ITGA1: variants seen among roughly 807,000 people sequenced by gnomAD.
ITGA1 encodes integrin subunit alpha 1.
ITGA1 carries 85 observed loss-of-function variants against 145.9 expected under a neutral mutation model. The ratio of observed to expected loss-of-function variants is 0.58; its 90% CI spans 0.49 to 0.70. The LOEUF (loss-of-function observed/expected upper bound fraction) is 0.70. ITGA1 is among the 30% of genes least tolerant of loss of function. The probability of loss-of-function intolerance (pLI) is 0.00; values close to 1 mark genes in which losing one functional copy is unlikely to be tolerated. For missense variants in ITGA1, 1,351 were observed against 1,418.7 expected, an observed-to-expected ratio of 0.95 and a Z score of 0.77; for synonymous variants, 520 against 495.3, an observed-to-expected ratio of 1.05 and a Z score of -0.66.
In ITGA1 at chr5:52,794,685, C is replaced by A. The variant is rs376323554; in HGVS notation, c.61+6271C>A. On this transcript the variant is annotated intron_variant, in intron 1 of 28. Coordinates refer to ENST00000282588, the MANE Select transcript of ITGA1 (RefSeq NM_181501.2). ...AAACAAATAAAACAAACAAAAAAAACCACTTTCCCTTTTACCCTTTTGTCT... is the reference window on the plus strand; with the variant it reads ...AAACAAATAAAACAAACAAAAAAAAACACTTTCCCTTTTACCCTTTTGTCT... Among the ~76,000 whole-genome samples the A allele has an allele frequency of 4.1e-4, 62 of 151,358 alleles. 1 individual carries two copies. The South Asian group carries it at 9.6e-3, about 23-fold the overall frequency.
rs375073966 is a variant in ITGA1 at position 52,900,560 on chromosome 5, A to G, written c.1309+2177A>G. 3.2e-4 allele frequency among the ~76,000 whole-genome samples: 48 copies of G among 152,306 alleles called. 2 individuals are homozygous for G. The East Asian group carries it at 4.8e-3, about 15-fold the overall frequency. On this transcript the variant is annotated intron_variant, in intron 11 of 28. Coordinates refer to ENST00000282588, the MANE Select transcript of ITGA1 (RefSeq NM_181501.2). ...ATGCAGGTAGTTAAGTAAATAGTAA[A>G]TCCACTTAATGAATATTACACACCC...
intron 1 of ITGA1, among the ~76,000 whole-genome samples, chr5:52,842,522 C>T (rs944991105): frequency 2.0e-5 from 3 of 152,126 alleles, no homozygotes; most frequent in East Asian, 1.9e-4. Context: ...ATTCTACCTA[C>T]GAAATCAGTT....
chr5:52,863,385 C>A (rs1311766377), intron 3 of ITGA1, among the ~76,000 whole-genome samples: 2 of 151,788 alleles, frequency 1.3e-5, no homozygotes, highest in Non-Finnish European at 2.9e-5. Flanking sequence ...GCTGTCATTG[C>A]CCTCAATCTC....
chr5:52,897,820 T>TAG (rs1750252058), intron 10 of ITGA1, among the ~76,000 whole-genome samples: 1 of 142,708 alleles, frequency 7.0e-6, no homozygotes, highest in East Asian at 2.1e-4. Flanking sequence ...ATTTAACATA[T>TAG]TTGCTACAGA....
At chr5:52,801,368 TAGG>T (rs1193207826) in intron 1 of ITGA1, 5 of 1,519,534 alleles carry the variant, frequency 3.3e-6, no homozygotes, top group Non-Finnish European at 4.5e-6. Context: ...ATGGGTGTTC[TAGG>T]AGATTATTTT....
At chr5:52,830,539 A>C (rs759461484) in intron 1 of ITGA1, among the ~76,000 whole-genome samples, 8 of 152,212 alleles carry the variant, frequency 5.3e-5, no homozygotes, top group Non-Finnish European at 1.2e-4. Context: ...TTCATCCAGA[A>C]AGTTACTCCA....
chr5:52,937,859 C>A (rs746587228), intron 24 of ITGA1, among the ~76,000 whole-genome samples: 2 of 152,116 alleles, frequency 1.3e-5, no homozygotes, highest in Non-Finnish European at 2.9e-5. Context: ...ACTGGCAACC[C>A]TAGTCGTTCC....
chr5:52,848,041 CTCATCAAATATG>C (rs1749365774), intron 1 of ITGA1, among the ~76,000 whole-genome samples: 1 of 152,150 alleles, frequency 6.6e-6, no homozygotes, highest in East Asian at 1.9e-4. Flanking sequence ...AGAATTAACC[CTCATCAAATATG>C]TAGTATGTGC....
In ITGA1 at chr5:52,910,353, T is replaced by G; in HGVS notation, c.1791T>G (p.Asp597Glu). ...NDIVIGAPLEDDHGGAVYIYH... is the reference protein window; with the variant it reads ...NDIVIGAPLEEDHGGAVYIYH... ...TCGTGATAGGAGCTCCGCTGGAAGA[T>G]GATCACGGGGGAGCTGTGTACATTT... Residue 597 changes from aspartate (D) to glutamate (E), a missense_variant, in exon 14 of 29, where the codon GAT (aspartate) becomes GAG (glutamate). Transcript: ENST00000282588. The G allele has an allele frequency of 6.2e-7, 1 of 1,613,864 alleles. No individual in the cohort carries two copies. Among genetic ancestry groups the G allele is most frequent in the Non-Finnish European group, 8.5e-7 (1 of 1,179,834 alleles).
intron 24 of ITGA1, 32 bp downstream of exon 24, chr5:52,937,546 T>C: frequency 7.9e-7 from 1 of 1,263,748 alleles, no homozygotes; most frequent in Non-Finnish European, 1.2e-6. Flanking sequence ...ATTATGTCAT[T>C]ACTGTTATCT....
chr5:52,837,822 A>G (rs779589724), intron 1 of ITGA1, among the ~76,000 whole-genome samples: 12 of 152,156 alleles, frequency 7.9e-5, no homozygotes, highest in Non-Finnish European at 1.8e-4. Flanking sequence ...TGGTCTTAGC[A>G]ACAGCAATTA....
At chr5:52,800,159 G>T (rs1580027278) in intron 1 of ITGA1, 2 of 559,314 alleles carry the variant, frequency 3.6e-6, no homozygotes, top group South Asian at 4.0e-5. Flanking sequence ...TTTCGCTGCA[G>T]TGTTCCCCGA....
chr5:52,860,298 A>C (rs895998603), intron 2 of ITGA1, among the ~76,000 whole-genome samples: 1 of 152,238 alleles, frequency 6.6e-6, no homozygotes, highest in Non-Finnish European at 1.5e-5. Flanking sequence ...CTGTAATCCC[A>C]GCACTTTGGG....
chr5:52,890,689 A>C (rs72756577), intron 8 of ITGA1, among the ~76,000 whole-genome samples: 4,240 of 152,324 alleles, frequency 0.028, 88 homozygotes, highest in South Asian at 0.052. Context: ...GGCAATTGGA[A>C]TATCCATCAC....
chr5:52,944,901 A>G, intron 26 of ITGA1, 42 bp from the exon 27 acceptor site: 1 of 1,331,220 alleles, frequency 7.5e-7, no homozygotes, highest in Non-Finnish European at 1.1e-6. Flanking sequence ...TCTCATTTTG[A>G]TTAGCATCAT....
rs1217442685 is a variant in ITGA1 at position 52,954,076 on chromosome 5, T to G, written c.*1625T>G. ...ATGCGCCTGTGGGATGCCAAAGCCA[T>G]CAGTAGCTGGAAGAAAGAATACCTC... On this transcript the variant is annotated 3_prime_UTR_variant, in exon 29 of 29. Coordinates refer to ENST00000282588, the MANE Select transcript of ITGA1 (RefSeq NM_181501.2). 1 of 152,192 alleles carries G rather than the reference T, an allele frequency of 6.6e-6. No homozygotes were observed. Among genetic ancestry groups the G allele is most frequent in the Non-Finnish European group, 1.5e-5 (1 of 68,042 alleles). 9.4% of individuals were successfully genotyped at this position (152,192 alleles called of 1,614,324 possible).
At chr5:52,952,123 G>A (rs1313567343) in intron 28 of ITGA1, among the ~76,000 whole-genome samples, 1 of 151,118 alleles carries the variant, frequency 6.6e-6, no homozygotes, top group Admixed American at 6.6e-5. Context: ...CCGGGTGGCG[G>A]AGGTTGCAGT....
At chr5:52,874,732 A>C (rs1485610731) in intron 6 of ITGA1, among the ~76,000 whole-genome samples, 4 of 152,320 alleles carry the variant, frequency 2.6e-5, no homozygotes, top group East Asian at 1.9e-4. Context: ...CAATAAAAAA[A>C]ATCACTGAAA....
At chr5:52,822,334 G>A (rs2111706255) in intron 1 of ITGA1, among the ~76,000 whole-genome samples, 1 of 152,280 alleles carries the variant, frequency 6.6e-6, no homozygotes, top group East Asian at 1.9e-4. Context: ...AAACATATTT[G>A]AGCTTCGATT....
Sources: allele counts gnomAD v4.1 joint callset (sites outside exome capture counted in the v4.1 genomes callset), GRCh38; gene constraint gnomAD v4.1.1; transcripts MANE v1.5; gene names NCBI Gene and HGNC (gene_info 2026-07-23, HGNC 2026-07-21).